Variants in MKLN1 observed in about 807,000 individuals in gnomAD.
MKLN1 encodes the protein muskelin 1, also known as muskelin.
Under a neutral mutation model 99.0 loss-of-function variants are expected in MKLN1, and 18 were observed. The observed-to-expected ratio is 0.18, with a 90% CI of 0.13 to 0.27. The LOEUF is 0.27. Among genes scored for constraint, MKLN1 ranks in the 10% least tolerant of loss-of-function variants. The probability of loss-of-function intolerance (pLI) is 1.00; values close to 1 mark genes in which losing one functional copy is unlikely to be tolerated. For synonymous variants in MKLN1, 288 were observed against 293.2 expected, an observed-to-expected ratio of 0.98 and a Z score of 0.18; for missense variants, 621 against 875.9, an observed-to-expected ratio of 0.71 and a Z score of 3.67.
chr7:131,173,974 C>CTTT (rs1191131472), intron 2 of MKLN1, among the ~76,000 whole-genome samples: 1 of 129,676 alleles, frequency 7.7e-6, no homozygotes, highest in Admixed American at 7.8e-5. Context: ...TTTTCTTTTT[C>CTTT]TTTTTTTTTT....
intron 2 of MKLN1, among the ~76,000 whole-genome samples, chr7:131,156,405 G>A (rs1310951877): frequency 3.2e-5 from 4 of 126,168 alleles, no homozygotes; most frequent in African/African-American, 6.1e-5. Flanking sequence ...GCGAGATCGC[G>A]CCACTGCACT....
intron 2 of MKLN1, among the ~76,000 whole-genome samples, chr7:131,150,967 T>TTGTA (rs1795880475): frequency 6.6e-6 from 1 of 152,198 alleles, no homozygotes; most frequent in African/African-American, 2.4e-5. Flanking sequence ...AGACTTGTTT[T>TTGTA]TGTAAGTGGT....
At chr7:131,444,911 A>G (rs752960538) in intron 11 of MKLN1, among the ~76,000 whole-genome samples, 3 of 151,780 alleles carry the variant, frequency 2.0e-5, no homozygotes, top group Non-Finnish European at 4.4e-5. Flanking sequence ...GCCTGCCCAA[A>G]TGCTAGGACT....
At chr7:131,137,735 C>T (rs6957342) in intron 1 of MKLN1, among the ~76,000 whole-genome samples, 20,943 of 151,624 alleles carry the variant, frequency 0.14, 1,682 homozygotes, top group East Asian at 0.3. Context: ...CCACCATACC[C>T]GGCTGATTTT....
Position 131,397,372 on chromosome 7 carries a change from G to A in MKLN1, c.506G>A (p.Ser169Asn). ...DIVQPCLNWYSKYREQEAIRL... is the reference protein window; with the variant it reads ...DIVQPCLNWYNKYREQEAIRL... ...GTACAACCTTGTCTCAACTGGTATA[G>A]CAAGGTAGGACTGTGTTTTAAATCC... The change falls in exon 5 of 18, where the codon AGC (serine) becomes AAC (asparagine). Residue 169 changes from serine to asparagine, a missense_variant. By Grantham distance (46) the Ser-to-Asn change is conservative. Around this residue, in one of 8 missense-constraint regions of MKLN1, gnomAD observed 361 missense variants for 540.8 expected, o/e 0.67. Coordinates refer to ENST00000352689, the MANE Select transcript of MKLN1 (RefSeq NM_013255.5). 6.3e-7 allele frequency: 1 copy of A among 1,575,882 alleles called. No homozygotes were observed. The highest frequency in any genetic ancestry group is 8.7e-7 in the Non-Finnish European group (1 of 1,149,014).
chr7:131,113,307 A>G (rs1038697149), intron 1 of MKLN1, among the ~76,000 whole-genome samples: 8 of 152,214 alleles, frequency 5.3e-5, no homozygotes, highest in Non-Finnish European at 1.2e-4. Context: ...CCTTAGGGAA[A>G]AAGCTGTGTG....
intron 2 of MKLN1, among the ~76,000 whole-genome samples, chr7:131,201,977 T>C (rs1454104803): frequency 6.6e-6 from 1 of 152,134 alleles, no homozygotes; most frequent in Non-Finnish European, 1.5e-5. Flanking sequence ...ATTCAAAAGA[T>C]ACTTAACACT....
chr7:131,432,787 GTT>G (rs1795562739), intron 9 of MKLN1, among the ~76,000 whole-genome samples: 1 of 152,086 alleles, frequency 6.6e-6, no homozygotes, highest in African/African-American at 2.4e-5. Context: ...TCTCTTTAAT[GTT>G]TGGCTCAATA....
chr7:131,195,442 T>C (rs1032499259), intron 2 of MKLN1, among the ~76,000 whole-genome samples: 1 of 147,270 alleles, frequency 6.8e-6, no homozygotes, highest in Non-Finnish European at 1.5e-5. Context: ...ACCTGGGAGG[T>C]GGAGGTTGCA....
intron 2 of MKLN1, among the ~76,000 whole-genome samples, chr7:131,191,885 T>G (rs939473572): frequency 5.3e-5 from 8 of 150,366 alleles, no homozygotes; most frequent in African/African-American, 2.0e-4. Flanking sequence ...GACTATTTTT[T>G]TTTTTTTGTA....
chr7:131,409,032 A>G (rs1007103976), intron 6 of MKLN1, among the ~76,000 whole-genome samples: 5 of 152,222 alleles, frequency 3.3e-5, no homozygotes, highest in African/African-American at 1.2e-4. Flanking sequence ...TGTCAAAAAT[A>G]GACTTACAGA....
intron 3 of MKLN1, among the ~76,000 whole-genome samples, chr7:131,257,020 T>G (rs1797667340): frequency 1.3e-5 from 2 of 152,220 alleles, no homozygotes; most frequent in Non-Finnish European, 2.9e-5. Context: ...ACATACATAC[T>G]TGCTTTATTT....
At chr7:131,275,289 C>T (rs978982822) in intron 3 of MKLN1, among the ~76,000 whole-genome samples, 5 of 151,352 alleles carry the variant, frequency 3.3e-5, no homozygotes, top group African/African-American at 9.7e-5. Flanking sequence ...AGGACTCTAC[C>T]CTCATGACCT....
intron 3 of MKLN1, among the ~76,000 whole-genome samples, chr7:131,298,841 A>G (rs1798333859): frequency 6.6e-6 from 1 of 152,188 alleles, no homozygotes; most frequent in Non-Finnish European, 1.5e-5. Flanking sequence ...CATGGACACC[A>G]TTTAGAAACG....
intron 6 of MKLN1, among the ~76,000 whole-genome samples, chr7:131,409,736 A>G (rs1563334096): frequency 6.6e-6 from 1 of 152,174 alleles, no homozygotes; most frequent in Admixed American, 6.5e-5. Context: ...ATTATGATCT[A>G]TTTGGGTGCA....
intron 2 of MKLN1, among the ~76,000 whole-genome samples, chr7:131,181,660 AT>A (rs3078424): frequency 0.035 from 4,720 of 135,816 alleles, 109 homozygotes; most frequent in African/African-American, 0.081. Context: ...CCTCATCCCT[AT>A]TTTTTTTTTT....
chr7:131,360,225 GT>G (rs970142070), intron 1 of MKLN1, among the ~76,000 whole-genome samples: 7 of 151,638 alleles, frequency 4.6e-5, no homozygotes, highest in African/African-American at 1.7e-4. Flanking sequence ...TTTGGACTTT[GT>G]TTTTTTTATC....
chr7:131,285,214 C>A (rs553365862), intron 3 of MKLN1: 1 of 152,520 alleles, frequency 6.6e-6, no homozygotes, highest in East Asian at 1.9e-4. Flanking sequence ...CAGGGCTGGC[C>A]TGGGAGGGAA....
intron 1 of MKLN1, among the ~76,000 whole-genome samples, chr7:131,142,322 A>G (rs1291290423): frequency 6.6e-6 from 1 of 152,076 alleles, no homozygotes; most frequent in African/African-American, 2.4e-5. Context: ...GAAGCAAGAG[A>G]ATCGCTTGAA....
Sources: allele counts gnomAD v4.1 joint callset (sites outside exome capture counted in the v4.1 genomes callset), GRCh38; gene constraint gnomAD v4.1.1; regional missense constraint gnomAD v4.1.1; transcripts MANE v1.5; gene names NCBI Gene and HGNC (gene_info 2026-07-23, HGNC 2026-07-21).